The following DNA2 variants were observed in gnomAD, a reference collection of about 807,000 sequenced individuals.
DNA2 encodes the protein DNA replication helicase/nuclease 2, also known as DNA replication ATP-dependent helicase/nuclease DNA2.
Under a neutral mutation model 119.1 loss-of-function variants are expected in DNA2, and 101 were observed. That is an observed-to-expected ratio of 0.85 (90% CI 0.72 to 1.00). DNA2 has a LOEUF of 1.00. DNA2 is among the 50% of genes least tolerant of loss of function. The pLI, the probability that DNA2 is intolerant of heterozygous loss-of-function variation, is 0.00. For synonymous variants in DNA2, 366 were observed against 424.4 expected, an observed-to-expected ratio of 0.86 and a Z score of 1.69; for missense variants, 1,121 against 1,255.5, an observed-to-expected ratio of 0.89 and a Z score of 1.62.
chr10:68,458,794 G>A (rs1353988884), intron 5 of DNA2, among the ~76,000 whole-genome samples: 2 of 152,050 alleles, frequency 1.3e-5, no homozygotes, highest in African/African-American at 4.8e-5. Context: ...GTTGCCGGGA[G>A]CAGAGATCAG....
chr10:68,456,472 T>G (rs942787658), intron 5 of DNA2, among the ~76,000 whole-genome samples: 3 of 152,176 alleles, frequency 2.0e-5, no homozygotes, highest in African/African-American at 7.2e-5. Context: ...TACAGTGCAG[T>G]GGCACGATCT....
Position 68,416,868 on chromosome 10 carries a change from T to C in DNA2, c.2968-13A>G. The C allele has an allele frequency of 6.3e-7, 1 of 1,597,508 alleles. No homozygotes were observed. Among genetic ancestry groups the C allele is most frequent in the Non-Finnish European group, 8.5e-7 (1 of 1,170,980 alleles). ...AGAGTTCACCAACCTGTAAGAAATA[T>C]AATTTTCAATTATTCAAGTTCAAAG... On this transcript the variant is annotated splice_polypyrimidine_tract_variant and intron_variant, in intron 19 of 20. Transcript: ENST00000358410.
chr10:68,417,402 A>AAAC (rs1478560720), intron 19 of DNA2, among the ~76,000 whole-genome samples: 1 of 150,614 alleles, frequency 6.6e-6, no homozygotes, highest in South Asian at 2.1e-4. Context: ...AAAAAAAAAA[A>AAAC]AAAAAAAAAA....
At chr10:68,423,890 C>T (rs2133364671) in intron 14 of DNA2, among the ~76,000 whole-genome samples, 1 of 152,360 alleles carries the variant, frequency 6.6e-6, no homozygotes. Context: ...ACCCCTCTTC[C>T]CCTACCATGG....
intron 5 of DNA2, among the ~76,000 whole-genome samples, chr10:68,451,606 T>C (rs964842917): frequency 1.5e-4 from 23 of 152,178 alleles, no homozygotes; most frequent in African/African-American, 3.6e-4. Context: ...TAAAAAAAGA[T>C]GACTTTTCTA....
chr10:68,472,107 T>C (rs772474096), upstream of DNA2: 3 of 1,512,364 alleles, frequency 2.0e-6, no homozygotes, highest in Non-Finnish European at 1.8e-6. Context: ...GGACTGGGAA[T>C]ACAGGGAGTC....
At chr10:68,443,471 C>T (rs1418780912) in intron 8 of DNA2, among the ~76,000 whole-genome samples, 1 of 152,142 alleles carries the variant, frequency 6.6e-6, no homozygotes, top group Non-Finnish European at 1.5e-5. Context: ...CACATAAAAA[C>T]ACAGAGAATC....
chr10:68,451,180 T>G (rs2052113067), intron 5 of DNA2, among the ~76,000 whole-genome samples: 1 of 150,214 alleles, frequency 6.7e-6, no homozygotes, highest in African/African-American at 2.4e-5. Flanking sequence ...CATTCACACA[T>G]CCCCAGGTGA....
At position 68,419,099 on chromosome 10, in the gene DNA2, T is replaced by C. The variant is rs200984921; in HGVS notation, c.2902A>G (p.Lys968Glu). 92 of 1,612,760 alleles carry C rather than the reference T, an allele frequency of 5.7e-5. No individual in the cohort carries two copies. The highest frequency in any genetic ancestry group is 7.1e-5 in the Non-Finnish European group (84 of 1,179,596). Reference protein sequence around the residue: ...IGMVEVNTVDKYQGRDKSIVL... With the variant: ...IGMVEVNTVDEYQGRDKSIVL... ...ATACTTTTGTCCCTTCCTTGGTATTTGTCTACTGTATTAACTTCGACCATC... is the reference window on the plus strand; with the variant it reads ...ATACTTTTGTCCCTTCCTTGGTATTCGTCTACTGTATTAACTTCGACCATC... Residue 968 changes from lysine (K) to glutamate (E), a missense_variant, in exon 19 of 21, where the codon AAA becomes GAA. By Grantham distance (56) the Lys-to-Glu change is moderately conservative. Coordinates refer to ENST00000358410, the MANE Select transcript of DNA2 (RefSeq NM_001080449.3).
intron 10 of DNA2, among the ~76,000 whole-genome samples, chr10:68,435,152 C>G (rs1354407235): frequency 6.6e-6 from 1 of 151,886 alleles, no homozygotes; most frequent in Non-Finnish European, 1.5e-5. Flanking sequence ...CTCCTGGGCT[C>G]AACTGATCGT....
chr10:68,415,437 C>T (rs997107734), intron 20 of DNA2, among the ~76,000 whole-genome samples: 22 of 151,846 alleles, frequency 1.4e-4, no homozygotes, highest in Non-Finnish European at 2.6e-4. Context: ...CCACCATGCC[C>T]GGCTAATTTT....
intron 4 of DNA2, among the ~76,000 whole-genome samples, chr10:68,463,107 G>A (rs1365369397): frequency 6.6e-6 from 1 of 151,290 alleles, no homozygotes; most frequent in Non-Finnish European, 1.5e-5. Flanking sequence ...ACTCCAGCCT[G>A]GGCGACAGAG....
intron 4 of DNA2, among the ~76,000 whole-genome samples, chr10:68,462,118 C>T (rs2052267752): frequency 1.3e-5 from 2 of 152,110 alleles, no homozygotes; most frequent in South Asian, 4.1e-4. Flanking sequence ...TACCTATAAT[C>T]CCAACACTTT....
intron 5 of DNA2, among the ~76,000 whole-genome samples, chr10:68,452,030 T>C (rs755568606): frequency 6.6e-6 from 1 of 152,232 alleles, no homozygotes; most frequent in Non-Finnish European, 1.5e-5. Flanking sequence ...TCCAGAATAG[T>C]TGAAGAAGAC....
intron 9 of DNA2, among the ~76,000 whole-genome samples, chr10:68,442,102 A>G (rs10998171): frequency 0.057 from 8,691 of 152,076 alleles, 393 homozygotes; most frequent in East Asian, 0.25. Flanking sequence ...TTTTGTAGAG[A>G]CAGGGTTTTG....
At chr10:68,437,669 A>AAAAACAAAAACAAAAACAAAAAC (rs143334813) in intron 9 of DNA2, among the ~76,000 whole-genome samples, 7 of 147,698 alleles carry the variant, frequency 4.7e-5, no homozygotes, top group African/African-American at 1.0e-4. Flanking sequence ...AAACAAAAAC[A>AAAAACAAAAACAAAAACAAAAAC]AAAACAAAAC....
chr10:68,456,201 AAGAGTGAGACCTTGTCTCAAAACAG>A (rs1423841515), intron 5 of DNA2, among the ~76,000 whole-genome samples: 2 of 152,184 alleles, frequency 1.3e-5, no homozygotes, highest in Non-Finnish European at 2.9e-5. Context: ...CAGTCTGGGC[AAGAGTGAGACCTTGTCTCAAAACAG>A]AGAGAGAAAA....
chr10:68,459,981 C>G (rs190900437), intron 4 of DNA2, among the ~76,000 whole-genome samples: 2 of 151,168 alleles, frequency 1.3e-5, no homozygotes, highest in Non-Finnish European at 1.5e-5. Context: ...GAGCTGAGAT[C>G]GCACCAGTGC....
intron 4 of DNA2, among the ~76,000 whole-genome samples, chr10:68,459,455 T>C (rs2052227708): frequency 1.3e-5 from 2 of 152,194 alleles, no homozygotes; most frequent in Non-Finnish European, 2.9e-5. Context: ...AATTCTGACA[T>C]ATGTTACAAC....
Sources: allele counts gnomAD v4.1 joint callset (sites outside exome capture counted in the v4.1 genomes callset), GRCh38; gene constraint gnomAD v4.1.1; transcripts MANE v1.5; gene names NCBI Gene and HGNC (gene_info 2026-07-23, HGNC 2026-07-21).